Variants in EFHC2 observed in about 807,000 individuals in gnomAD.
EFHC2 encodes the protein EF-hand domain containing 2.
EFHC2 carries 18 observed loss-of-function variants against 52.7 expected under a neutral mutation model. The ratio of observed to expected loss-of-function variants is 0.34; its 90% confidence interval spans 0.24 to 0.51. EFHC2 has a LOEUF of 0.51. Among genes scored for constraint, EFHC2 ranks in the 20% least tolerant of loss-of-function variants. The pLI is 0.97. For missense variants in EFHC2, 513 were observed against 562.5 expected, an observed-to-expected ratio of 0.91 and a Z score of 0.89; for synonymous variants, 203 against 204.1, an observed-to-expected ratio of 0.99 and a Z score of 0.04.
At chrX:44,154,285 T>C (rs1011080495) in intron 14 of EFHC2, among the ~76,000 whole-genome samples, 4 of 112,862 alleles carry the variant, frequency 3.5e-5, no homozygotes, top group Admixed American at 9.3e-5. Flanking sequence ...ATTGTTTCCT[T>C]TCCTCCACTT....
intron 2 of EFHC2, among the ~76,000 whole-genome samples, chrX:44,287,225 C>T (rs1299780361): frequency 9.1e-6 from 1 of 109,845 alleles, no homozygotes; most frequent in Non-Finnish European, 1.9e-5. Context: ...TGTAAGTATA[C>T]ACTCAACAAG....
intron 3 of EFHC2, among the ~76,000 whole-genome samples, chrX:44,270,158 T>C (rs188194110): frequency 4.6e-4 from 51 of 111,871 alleles, no homozygotes; most frequent in Non-Finnish European, 8.1e-4. Flanking sequence ...CTCAGTCCTT[T>C]TGTCCATTTT....
At chrX:44,229,828 T>C (rs778564720) in intron 10 of EFHC2, 49 bp from the exon 11 acceptor site, 1 of 1,128,623 alleles carries the variant, frequency 8.9e-7, no homozygotes, top group Non-Finnish European at 1.2e-6. Context: ...TTCCTAACAG[T>C]TCAGGAGCCC....
chrX:44,149,688 G>C (rs1157640114), intron 14 of EFHC2, among the ~76,000 whole-genome samples: 1 of 110,796 alleles, frequency 9.0e-6, no homozygotes, highest in Non-Finnish European at 1.9e-5. Context: ...GCTAATTTTT[G>C]TATTTCTAGG....
chrX:44,165,883 C>T (rs1371526128), intron 13 of EFHC2, among the ~76,000 whole-genome samples: 1 of 110,896 alleles, frequency 9.0e-6, no homozygotes, highest in Non-Finnish European at 1.9e-5. Context: ...TAAAGAGACC[C>T]CAGAGAGCAC....
rs181889435 is a variant in EFHC2, at chrX:44,335,931, C to T, written c.42+7616G>A. ...AAAATGACTTTCAAAACTCATCAGG[C>T]GGATCGCCTGAGGTCAGGAATTCAA... On this transcript the variant is annotated intron_variant, in intron 1 of 14. Transcript: ENST00000420999. Among the ~76,000 whole-genome samples, 213 of 97,951 alleles carry T rather than the reference C, an allele frequency of 2.2e-3. 1 individual carries two copies. The highest frequency in any genetic ancestry group is 7.4e-3 in the African/African-American group (203 of 27,387). 85.1% of individuals were successfully genotyped at this position (97,951 alleles called of 115,157 possible).
intron 7 of EFHC2, among the ~76,000 whole-genome samples, chrX:44,242,958 A>G (rs756813095): frequency 8.9e-6 from 1 of 112,319 alleles, no homozygotes; most frequent in East Asian, 2.8e-4. Flanking sequence ...GCGAACAAAC[A>G]AAACAGAAAA....
At chrX:44,163,777 A>C in intron 14 of EFHC2, 145 bp downstream of exon 14, 2 of 453,309 alleles carry the variant, frequency 4.4e-6, no homozygotes, top group Non-Finnish European at 7.6e-6. Context: ...TTAACCTTTA[A>C]CACAAATGCC....
intron 2 of EFHC2, among the ~76,000 whole-genome samples, chrX:44,302,732 C>T (rs906858856): frequency 3.6e-5 from 4 of 111,642 alleles, no homozygotes; most frequent in Non-Finnish European, 7.5e-5. Context: ...ATTGCAATTA[C>T]GTTGTCTTAT....
At chrX:44,283,505 G>A (rs954784453) in intron 2 of EFHC2, among the ~76,000 whole-genome samples, 10 of 108,855 alleles carry the variant, frequency 9.2e-5, no homozygotes, top group African/African-American at 2.4e-4. Context: ...TTGACTCCCC[G>A]GAAGCACTTT....
intron 2 of EFHC2, among the ~76,000 whole-genome samples, chrX:44,279,337 GC>G (rs1282393772): frequency 8.9e-6 from 1 of 111,746 alleles, no homozygotes; most frequent in Non-Finnish European, 1.9e-5. Flanking sequence ...GAATGAGACT[GC>G]CTCAAAACAA....
intron 1 of EFHC2, among the ~76,000 whole-genome samples, chrX:44,314,371 CA>C (rs1388528297): frequency 8.9e-6 from 1 of 112,015 alleles, no homozygotes; most frequent in Non-Finnish European, 1.9e-5. Flanking sequence ...CTGATAAGGT[CA>C]AAAATACCTC....
chrX:44,216,370 G>A (rs1013130930), intron 11 of EFHC2, among the ~76,000 whole-genome samples: 4 of 111,626 alleles, frequency 3.6e-5, no homozygotes, highest in African/African-American at 1.3e-4. Flanking sequence ...ACCCACATGT[G>A]GTTGGTTTCT....
At chrX:44,191,331 G>C (rs1027350795) in intron 11 of EFHC2, among the ~76,000 whole-genome samples, 2 of 110,861 alleles carry the variant, frequency 1.8e-5, no homozygotes, top group African/African-American at 6.6e-5. Flanking sequence ...CGCCTCCCGG[G>C]TTTAAGCGAT....
At chrX:44,182,412 A>C (rs914724442) in intron 11 of EFHC2, among the ~76,000 whole-genome samples, 15 of 112,427 alleles carry the variant, frequency 1.3e-4, no homozygotes, top group Non-Finnish European at 2.8e-4. Flanking sequence ...TCTGTGTACA[A>C]GTTTTGTGTA....
In EFHC2 at chrX:44,258,435, CA is replaced by C. The variant is rs1319457162; in HGVS notation, c.606+2639del. ...TCTACAAGGAACTTAAACAAATTTACAAAAAAAAAAAAAATCAAAAAGTGGA... is the reference window on the plus strand; with the variant it reads ...TCTACAAGGAACTTAAACAAATTTACAAAAAAAAAAAAATCAAAAAGTGGA... On this transcript the variant is annotated intron_variant, in intron 4 of 14. Coordinates refer to ENST00000420999, the MANE Select transcript of EFHC2 (RefSeq NM_025184.4). 6.6e-3 allele frequency among the ~76,000 whole-genome samples: 415 copies of C among 62,961 alleles called. 1 individual carries two copies. Among genetic ancestry groups the C allele is most frequent in the African/African-American group, 0.013 (227 of 17,234 alleles). The allele number at this position is 62,961 out of a possible 115,157, so 54.7% of individuals were successfully genotyped here.
Position 44,330,815 on chromosome X carries a change from G to A in EFHC2, c.42+12732C>T, listed in dbSNP as rs113436655. Among the ~76,000 whole-genome samples, 1,108 of 111,893 alleles carry A rather than the reference G, an allele frequency of 9.9e-3. 9 individuals are homozygous for A. The highest frequency in any genetic ancestry group is 0.034 in the African/African-American group (1,061 of 30,791). On this transcript the variant is annotated intron_variant, in intron 1 of 14. Transcript: ENST00000420999. ...TCAATTAATTAACCATCAGAGAAAT[G>A]CCAATTAAACCCACCATGAGATATC...
chrX:44,260,983 A>C, intron 4 of EFHC2, 92 bp downstream of exon 4: 1 of 758,512 alleles, frequency 1.3e-6, no homozygotes, highest in Non-Finnish European at 1.9e-6. Flanking sequence ...AAGCTCTTTC[A>C]CATCTGCATC....
intron 3 of EFHC2, among the ~76,000 whole-genome samples, chrX:44,266,316 T>C (rs1303116155): frequency 9.0e-6 from 1 of 111,677 alleles, no homozygotes; most frequent in African/African-American, 3.3e-5. Flanking sequence ...CAGTTAAATT[T>C]GAATTCCAGA....
Sources: gnomAD v4.1 joint callset for allele counts (sites outside exome capture counted in the v4.1 genomes callset) on GRCh38, gnomAD v4.1.1 for gene constraint, MANE v1.5 for transcripts, NCBI Gene and HGNC (gene_info 2026-07-23, HGNC 2026-07-21) for gene names.